The following FHIT variants were observed in gnomAD, a reference collection of about 807,000 sequenced individuals.
FHIT encodes the protein fragile histidine triad diadenosine triphosphatase, also known as bis(5'-adenosyl)-triphosphatase.
A neutral mutation model predicts 17.9 loss-of-function variants in FHIT; 19 were observed. The ratio of observed to expected loss-of-function variants is 1.06; its 90% CI spans 0.74 to 1.56. The LOEUF is 1.56. Among genes scored for constraint, FHIT ranks in the 40% most tolerant of loss-of-function variants. The pLI is 0.00. For missense variants in FHIT, 248 were observed against 189.2 expected (o/e 1.31, Z -1.82); for synonymous variants, 81 against 69.7 (o/e 1.16, Z -0.81).
At chr3:60,779,535 C>A (rs1700313735) in intron 4 of FHIT, among the ~76,000 whole-genome samples, 1 of 152,118 alleles carries the variant, frequency 6.6e-6, no homozygotes, top group African/African-American at 2.4e-5. Context: ...ATCACGTATC[C>A]AAATCCTGGC....
chr3:60,693,955 T>C (rs1042171068), intron 4 of FHIT, among the ~76,000 whole-genome samples: 9 of 152,178 alleles, frequency 5.9e-5, no homozygotes, highest in Admixed American at 2.6e-4. Flanking sequence ...ATTTCCACCA[T>C]TGCAAACATC....
Position 60,275,628 on chromosome 3 carries a change from T to TACAC in FHIT, c.103+261228_103+261231dup, listed in dbSNP as rs146364506. On this transcript the variant is annotated intron_variant, in intron 5 of 9. Coordinates refer to ENST00000492590, the MANE Select transcript of FHIT (RefSeq NM_002012.4). ...ACAGATGTTGTCTTAGTCAATGCCA[T>TACAC]ACACACACACACACACACACCTGTG... Among the ~76,000 whole-genome samples the TACAC allele has an allele frequency of 2.1e-3, 311 of 149,832 alleles. 1 individual carries two copies. The highest frequency in any genetic ancestry group is 6.3e-3 in the African/African-American group (260 of 40,972).
chr3:59,762,576 T>A (rs1409650092), intron 8 of FHIT, among the ~76,000 whole-genome samples: 1 of 152,298 alleles, frequency 6.6e-6, no homozygotes, highest in Non-Finnish European at 1.5e-5. Context: ...ATTTGCTGTA[T>A]GTCTAGTGCT....
chr3:60,232,574 G>C (rs1256072562), intron 5 of FHIT, among the ~76,000 whole-genome samples: 1 of 152,152 alleles, frequency 6.6e-6, no homozygotes, highest in Non-Finnish European at 1.5e-5. Flanking sequence ...TCCTCCTCAA[G>C]TCTTCTCCAT....
At chr3:60,537,785 T>TACTTTGTGAATGACTAAGACAC (rs1260142090) in intron 4 of FHIT, among the ~76,000 whole-genome samples, 1 of 152,192 alleles carries the variant, frequency 6.6e-6, no homozygotes, top group Non-Finnish European at 1.5e-5. Context: ...ATGACAAAGT[T>TACTTTGTGAATGACTAAGACAC]ACTTTGTGAA....
chr3:60,615,228 G>A (rs1379055718), intron 4 of FHIT, among the ~76,000 whole-genome samples: 4 of 152,134 alleles, frequency 2.6e-5, no homozygotes, highest in Admixed American at 2.0e-4. Context: ...CTGGAGGGAT[G>A]GAAACAAAGT....
At chr3:60,325,918 T>C (rs984794606) in intron 5 of FHIT, among the ~76,000 whole-genome samples, 8 of 152,244 alleles carry the variant, frequency 5.3e-5, no homozygotes, top group African/African-American at 7.2e-5. Flanking sequence ...TGTGTAATCA[T>C]GACCGACGTG....
intron 5 of FHIT, among the ~76,000 whole-genome samples, chr3:60,017,310 T>C (rs2106714373): frequency 6.6e-6 from 1 of 152,294 alleles, no homozygotes; most frequent in East Asian, 1.9e-4. Context: ...CACTGGGCAG[T>C]GAGTATGCCT....
chr3:60,896,215 T>C (rs1032850470), intron 3 of FHIT, among the ~76,000 whole-genome samples: 2 of 152,096 alleles, frequency 1.3e-5, no homozygotes, highest in South Asian at 4.1e-4. Flanking sequence ...ATGAAACCGG[T>C]CCCTGGTGCC....
intron 4 of FHIT, among the ~76,000 whole-genome samples, chr3:60,684,984 T>C (rs68141782): frequency 0.26 from 40,055 of 152,060 alleles, 6,115 homozygotes; most frequent in East Asian, 0.73. Flanking sequence ...TAACTTGTCC[T>C]CCCTACGCCA....
intron 5 of FHIT, among the ~76,000 whole-genome samples, chr3:60,489,656 C>T (rs993450224): frequency 1.3e-5 from 2 of 152,182 alleles, no homozygotes; most frequent in African/African-American, 2.4e-5. Context: ...ATTCTCTGCA[C>T]ATCTAAATTA....
At chr3:60,268,163 T>G (rs1706681682) in intron 5 of FHIT, among the ~76,000 whole-genome samples, 1 of 152,196 alleles carries the variant, frequency 6.6e-6, no homozygotes, top group South Asian at 2.1e-4. Flanking sequence ...AACACCCTAC[T>G]GCTTCAACTC....
chr3:60,074,991 C>A (rs1702941043), intron 5 of FHIT, among the ~76,000 whole-genome samples: 2 of 152,038 alleles, frequency 1.3e-5, no homozygotes, highest in Admixed American at 6.6e-5. Flanking sequence ...GCAAACTCAA[C>A]CAAAATTTAT....
chr3:60,624,769 T>TA (rs1211961909), intron 4 of FHIT, among the ~76,000 whole-genome samples: 1 of 152,216 alleles, frequency 6.6e-6, no homozygotes, highest in African/African-American at 2.4e-5. Context: ...GTAATGTTTA[T>TA]AAGGTTCATC....
At chr3:60,052,715 T>A (rs1701930423) in intron 5 of FHIT, among the ~76,000 whole-genome samples, 1 of 150,224 alleles carries the variant, frequency 6.7e-6, no homozygotes, top group South Asian at 2.1e-4. Context: ...GCATCCCATC[T>A]AGGATGGGAT....
chr3:60,661,603 C>G (rs2040249011), intron 4 of FHIT, among the ~76,000 whole-genome samples: 1 of 152,112 alleles, frequency 6.6e-6, no homozygotes. Flanking sequence ...GGTAGTTTTA[C>G]TTTTAGTGCT....
At chr3:59,988,584 C>T (rs1709090422) in intron 7 of FHIT, among the ~76,000 whole-genome samples, 1 of 152,066 alleles carries the variant, frequency 6.6e-6, no homozygotes, top group Non-Finnish European at 1.5e-5. Flanking sequence ...TGGCGCTCCT[C>T]TAAGCAGTGG....
intron 7 of FHIT, among the ~76,000 whole-genome samples, chr3:59,971,053 G>T (rs755906432): frequency 1.3e-5 from 2 of 151,984 alleles, no homozygotes; most frequent in Non-Finnish European, 2.9e-5. Flanking sequence ...TTGGAGGTCT[G>T]GAGAAACTCT....
At chr3:60,660,000 T>A (rs2040203021) in intron 4 of FHIT, among the ~76,000 whole-genome samples, 1 of 152,208 alleles carries the variant, frequency 6.6e-6, no homozygotes, top group African/African-American at 2.4e-5. Context: ...TAAAGTTAAG[T>A]CCTTCTCACA....
Sources: allele counts gnomAD v4.1 joint callset (sites outside exome capture counted in the v4.1 genomes callset), GRCh38; gene constraint gnomAD v4.1.1; transcripts MANE v1.5; gene names NCBI Gene and HGNC (gene_info 2026-07-23, HGNC 2026-07-21).